LAT: variants seen among roughly 807,000 people sequenced by gnomAD.
The protein encoded by LAT is linker for activation of T-cells family member 1.
LAT carries 12 observed loss-of-function variants against 39.1 expected under a neutral mutation model. The observed-to-expected ratio is 0.31, with a 90% CI of 0.20 to 0.50. LAT has a LOEUF of 0.50. Ranked by LOEUF, LAT falls within the 20% of genes least tolerant of loss-of-function variation. The probability of loss-of-function intolerance (pLI) is 0.98; values close to 1 mark genes in which losing one functional copy is unlikely to be tolerated. For missense variants in LAT, 253 were observed against 308.0 expected (o/e 0.82, Z 1.34); for synonymous variants, 117 against 123.8 (o/e 0.95, Z 0.36).
chr16:28,985,275 T>C lies in LAT; in HGVS notation c.-143T>C, dbSNP rs552188855. The C allele has an allele frequency of 4.8e-5, 70 of 1,459,402 alleles. No individual in the cohort carries two copies. The Admixed American group carries it at 1.6e-3, about 34-fold the overall frequency. The allele number at this position is 1,459,402 out of a possible 1,614,324, so 90.4% of individuals were successfully genotyped here. A position where few individuals can be genotyped will look rare whatever the true frequency, so the allele number is the denominator to read the frequency against. On this transcript the variant is annotated 5_prime_UTR_variant, in exon 1 of 12. Transcript: ENST00000395456. This position sits in a 1 kb window ranked among gnomAD's most constrained non-coding sequence, Gnocchi z 4.6. ...GAGCCCCGGGGAGGGCACAGCTGCC[T>C]CCTCCCGGGCTCCCCTGCCACCTGG...
chr16:28,988,068 G>A (rs989338027), intron 8 of LAT: 2 of 151,840 alleles, frequency 1.3e-5, no homozygotes, highest in African/African-American at 4.8e-5. Flanking sequence ...CTCCAGCCTG[G>A]GTGACAGAGT....
rs750866342 is a variant in LAT at position 28,985,539 on chromosome 16, G to T, written c.100+22G>T. 1 of 1,611,148 alleles carries T rather than the reference G, an allele frequency of 6.2e-7. No individual in the cohort carries two copies. Among genetic ancestry groups the T allele is most frequent in the Non-Finnish European group, 8.5e-7 (1 of 1,178,242 alleles). ...CCAGGTGAGTGGGAAACTGGTGGGG[G>T]TACCCAGGGCCCAGGGACACCGACG... On this transcript the variant is annotated intron_variant, in intron 1 of 11. Transcript: ENST00000395456. The surrounding 1 kb of genome is among the most constrained non-coding windows in gnomAD (Gnocchi z 4.6).
In LAT at chr16:28,986,183, C is replaced by T; in HGVS notation, c.212C>T (p.Pro71Leu). The part of the protein sequence containing the change: ...PPAYPPVTSY[P>L]PLSQPDLLPI... ...GCCTACCCACCTGTCACCTCCTACCCACCCCTGAGCCAGCCAGACCTGCTC... is the reference window on the plus strand; with the variant it reads ...GCCTACCCACCTGTCACCTCCTACCTACCCCTGAGCCAGCCAGACCTGCTC... Residue 71 changes from proline to leucine, a missense_variant, in exon 4 of 12, where the codon CCA (proline) becomes CTA (leucine). Pro to Leu is a moderately conservative substitution (Grantham distance 98). Transcript: ENST00000395456. The surrounding 1 kb of genome is among the most constrained non-coding windows in gnomAD (Gnocchi z 5.7). 6.2e-7 allele frequency: 1 copy of T among 1,603,174 alleles called. No individual in the cohort carries two copies.
intron 8 of LAT, chr16:28,987,912 C>G (rs112681246): frequency 6.7e-6 from 1 of 148,842 alleles, no homozygotes; most frequent in Non-Finnish European, 1.5e-5. Context: ...AGCAACATGG[C>G]GAAACCTCAT....
upstream of LAT, chr16:28,985,019 T>C (rs993132031): frequency 3.5e-6 from 5 of 1,425,036 alleles, no homozygotes; most frequent in African/African-American, 7.3e-5. The surrounding 1 kb of genome is among the most constrained non-coding windows in gnomAD (Gnocchi z 4.6). Flanking sequence ...GGCTGAGAGC[T>C]TGATGATTTC....
At position 28,985,999 on chromosome 16, in the gene LAT, C is replaced by T; in HGVS notation, c.163+111C>T. The stretch of plus-strand genomic sequence containing the variant: ...TGCCACCTTGGGGCTGCCCACATGG[C>T]CTTGACCTGAGCTGGGAGAGGGGAG... On this transcript the variant is annotated intron_variant, in intron 3 of 11. Coordinates refer to ENST00000395456, the MANE Select transcript of LAT (RefSeq NM_001014987.2). This position sits in a 1 kb window ranked among gnomAD's most constrained non-coding sequence, Gnocchi z 4.6. 1 of 1,443,908 alleles carries T rather than the reference C, an allele frequency of 6.9e-7. No individual in the cohort carries two copies. The allele number at this position is 1,443,908 out of a possible 1,614,324, so 89.4% of individuals were successfully genotyped here.
chr16:28,987,016 C>T, intron 8 of LAT, 123 bp downstream of exon 8: 2 of 800,546 alleles, frequency 2.5e-6, no homozygotes, highest in South Asian at 1.8e-5. Context: ...AAGTAGGCTA[C>T]TCGGCCTCAG....
rs1451965397 is a variant in LAT at position 28,990,384 on chromosome 16, C to T, written c.*203C>T. On this transcript the variant is annotated 3_prime_UTR_variant, in exon 12 of 12. Transcript: ENST00000395456. ...AACGCTCTGCACCTTCTGACGCAGC[C>T]TGAGAATGACCTGCCCTGGCCCCAG... The T allele has an allele frequency of 2.2e-6, 1 of 445,648 alleles. No individual in the cohort carries two copies. Among genetic ancestry groups the T allele is most frequent in the Non-Finnish European group, 4.4e-6 (1 of 228,454 alleles). 27.6% of individuals were successfully genotyped at this position (445,648 alleles called of 1,614,324 possible). A position where few individuals can be genotyped will look rare whatever the true frequency, so the allele number is the denominator to read the frequency against.
In LAT at chr16:28,985,749, G is replaced by T. The variant is rs112964111; in HGVS notation, c.128+9G>T. 22,860 of 1,613,876 alleles carry T rather than the reference G, an allele frequency of 0.014. 2,615 individuals are homozygous for T. In the African/African-American group the frequency reaches 0.26, roughly 18 times the overall value. Reference sequence around the variant, plus strand: ...AGCACATCCTCAGATAGGTGAGTCCGCCCCAGCCGCCCTGGGTCTCCCTCC... The same window carrying T: ...AGCACATCCTCAGATAGGTGAGTCCTCCCCAGCCGCCCTGGGTCTCCCTCC... On this transcript the variant is annotated intron_variant, in intron 2 of 11. Transcript: ENST00000395456. The surrounding 1 kb of genome is among the most constrained non-coding windows in gnomAD (Gnocchi z 4.6).
rs774928083 is a variant in LAT at position 28,989,549 on chromosome 16, G to C, written c.516G>C (p.Val172=). ...CAGTGGAGTCCATTGATGATTACGT[G>C]AACGTTCCGGAGAGCGGGGAGAGCG... ...AFSMESIDDY[V]NVPESGESAE... The change falls in exon 9 of 12, where the codon GTG becomes GTC. Residue 172 remains valine (V), a synonymous_variant. Transcript: ENST00000395456. The C allele has an allele frequency of 8.7e-6, 14 of 1,611,254 alleles. No homozygotes were observed. The highest frequency in any genetic ancestry group is 1.2e-5 in the Non-Finnish European group (14 of 1,178,430).
In LAT at chr16:28,989,967, G is replaced by A. The variant is rs763741555; in HGVS notation, c.657G>A (p.Glu219=). ...ALSSQEAEEV[E]EEGAPDYENL... ...GTTCCCAGGAGGCAGAGGAAGTGGA[G>A]GAAGAGGGGGCTCCAGATTACGAGA... Residue 219 remains glutamate, a synonymous_variant, in exon 11 of 12, where the codon GAG becomes GAA. Transcript: ENST00000395456. 1.7e-5 allele frequency: 28 copies of A among 1,613,908 alleles called. No homozygotes were observed. Among genetic ancestry groups the A allele is most frequent in the Middle Eastern group, 1.7e-4 (1 of 5,982 alleles).
rs1016130341 is a variant in LAT, at chr16:28,990,229, G to A, written c.*48G>A. On this transcript the variant is annotated 3_prime_UTR_variant, in exon 12 of 12. Coordinates refer to ENST00000395456, the MANE Select transcript of LAT (RefSeq NM_001014987.2). The stretch of plus-strand genomic sequence containing the variant: ...TCCTGGAACCAGGCTTGCCTGGGAC[G>A]GCTGAGCTGGGCAGCTGGAAGTGGC... The A allele has an allele frequency of 3.0e-5, 21 of 695,636 alleles. No homozygotes were observed. Among genetic ancestry groups the A allele is most frequent in the Non-Finnish European group, 4.2e-5 (16 of 381,698 alleles). The allele number at this position is 695,636 out of a possible 1,614,324, so 43.1% of individuals were successfully genotyped here. A position where few individuals can be genotyped will look rare whatever the true frequency, so the allele number is the denominator to read the frequency against.
In LAT at chr16:28,986,981, A is replaced by C; in HGVS notation, c.493+88A>C. 9.1e-7 allele frequency: 1 copy of C among 1,095,182 alleles called. No individual in the cohort carries two copies. Among genetic ancestry groups the C allele is most frequent in the South Asian group, 1.5e-5 (1 of 67,340 alleles). 67.8% of individuals were successfully genotyped at this position (1,095,182 alleles called of 1,614,324 possible). Reference sequence around the variant, plus strand: ...CCATTGTAGCTCGCTGCAGCCTTGAACTCCTGGGCTCCAGTGATCCTCCCA... The same window carrying C: ...CCATTGTAGCTCGCTGCAGCCTTGACCTCCTGGGCTCCAGTGATCCTCCCA... On this transcript the variant is annotated intron_variant, in intron 8 of 11. Transcript: ENST00000395456. This position sits in a 1 kb window ranked among gnomAD's most constrained non-coding sequence, Gnocchi z 5.7.
chr16:28,987,051 G>A (rs561281542), intron 8 of LAT, among the ~76,000 whole-genome samples, 158 bp downstream of exon 8: 5 of 152,196 alleles, frequency 3.3e-5, no homozygotes, highest in Admixed American at 6.5e-5. Context: ...GAGACCACAG[G>A]CGCATGCCAC....
rs1313284713 is a variant in LAT at position 28,989,783 on chromosome 16, G to A, written c.566G>A (p.Arg189Gln). 8 of 1,614,008 alleles carry A rather than the reference G, an allele frequency of 5.0e-6. No homozygotes were observed. In the African/African-American group the frequency reaches 6.7e-5, roughly 13 times the overall value. Residue 189 changes from arginine to glutamine, a missense_variant, in exon 10 of 12, where the codon CGG becomes CAG. By Grantham distance (43) the Arg-to-Gln change is conservative. Coordinates refer to ENST00000395456, the MANE Select transcript of LAT (RefSeq NM_001014987.2). ...ESAEASLDGS[R>Q]EYVNVSQELH... ...TGATCTGTCCCCACAGATGGCAGCC[G>A]GGAGTATGTGAATGTGTCCCAGGAA...
Position 28,985,563 on chromosome 16 carries a change from C to G in LAT, c.100+46C>G. ...GGTACCCAGGGCCCAGGGACACCGACGGGATCCTCATCCACTCCCAGCCCC... is the reference window on the plus strand; with the variant it reads ...GGTACCCAGGGCCCAGGGACACCGAGGGGATCCTCATCCACTCCCAGCCCC... On this transcript the variant is annotated intron_variant, in intron 1 of 11. Transcript: ENST00000395456. This position sits in a 1 kb window ranked among gnomAD's most constrained non-coding sequence, Gnocchi z 4.6. 6.2e-7 allele frequency: 1 copy of G among 1,604,718 alleles called. No individual in the cohort carries two copies. Among genetic ancestry groups the G allele is most frequent in the Non-Finnish European group, 8.5e-7 (1 of 1,173,416 alleles).
intron 8 of LAT, among the ~76,000 whole-genome samples, chr16:28,987,344 C>G (rs1428231478): frequency 2.0e-5 from 3 of 152,154 alleles, no homozygotes; most frequent in Admixed American, 2.0e-4. Flanking sequence ...TCCAGAAGCT[C>G]TTTCTCGTTC....
Position 28,985,496 on chromosome 16 carries a change from G to A in LAT, c.79G>A (p.Val27Met). 1 of 1,613,826 alleles carries A rather than the reference G, an allele frequency of 6.2e-7. No individual in the cohort carries two copies. Among genetic ancestry groups the A allele is most frequent in the African/African-American group, 1.3e-5 (1 of 75,028 alleles). Reference protein sequence around the residue: ...PILAMLMALCVHCHRLPGSYD... With the variant: ...PILAMLMALCMHCHRLPGSYD... Reference sequence around the variant, plus strand: ...CCTGGCCATGTTGATGGCACTGTGTGTGCACTGCCACAGACTGCCAGGTGA... The same window carrying A: ...CCTGGCCATGTTGATGGCACTGTGTATGCACTGCCACAGACTGCCAGGTGA... Residue 27 changes from valine (V) to methionine (M), a missense_variant, in exon 1 of 12, where the codon GTG (valine) becomes ATG (methionine). By Grantham distance (21) the Val-to-Met change is conservative (BLOSUM62 1). Transcript: ENST00000395456. This position sits in a 1 kb window ranked among gnomAD's most constrained non-coding sequence, Gnocchi z 4.6.
chr16:28,989,524 C>T lies in LAT; in HGVS notation c.494-3C>T. On this transcript the variant is annotated splice_polypyrimidine_tract_variant and splice_region_variant and intron_variant, in intron 8 of 11. Coordinates refer to ENST00000395456, the MANE Select transcript of LAT (RefSeq NM_001014987.2). ...TGCCGAGGTGGGCCTGGCTTTTCCA[C>T]AGTGGAGTCCATTGATGATTACGTG... 6.2e-7 allele frequency: 1 copy of T among 1,604,758 alleles called. No homozygotes were observed.
Sources: allele counts gnomAD v4.1 joint callset (sites outside exome capture counted in the v4.1 genomes callset), GRCh38; gene constraint gnomAD v4.1.1; non-coding constraint Gnocchi (gnomAD v3.1); transcripts MANE v1.5; gene names NCBI Gene and HGNC (gene_info 2026-07-23, HGNC 2026-07-21).